The following FDPS variants were observed in gnomAD, a reference collection of about 807,000 sequenced individuals.
The protein encoded by FDPS is farnesyl pyrophosphate synthase.
A neutral mutation model predicts 49.5 loss-of-function variants in FDPS; 29 were observed. That is an observed-to-expected ratio of 0.59 (90% confidence interval 0.44 to 0.80). FDPS has a LOEUF of 0.80. FDPS is among the 30% of genes least tolerant of loss of function. The pLI, the probability that FDPS is intolerant of heterozygous loss-of-function variation, is 0.00. For synonymous variants in FDPS, 172 were observed against 206.4 expected, an observed-to-expected ratio of 0.83 and a Z score of 1.43; for missense variants, 414 against 525.6, an observed-to-expected ratio of 0.79 and a Z score of 2.08.
At chr1:155,319,312 C>T (rs2148249887) in intron 8 of FDPS, among the ~76,000 whole-genome samples, 1 of 152,072 alleles carries the variant, frequency 6.6e-6, no homozygotes, top group East Asian at 1.9e-4. Context: ...TTGGAGGTGG[C>T]AAAAATATTA....
At chr1:155,314,188 A>ATT (rs34299252) in intron 4 of FDPS, among the ~76,000 whole-genome samples, 6,421 of 141,026 alleles carry the variant, frequency 0.046, 194 homozygotes, top group Non-Finnish European at 0.068. Context: ...AAAATTTTTA[A>ATT]TTTTTTTTTT....
chr1:155,310,301 T>C (rs1251428421), intron 3 of FDPS, 96 bp downstream of exon 3: 3 of 1,148,574 alleles, frequency 2.6e-6, no homozygotes, highest in Non-Finnish European at 2.5e-6. Context: ...TTTTGACAGA[T>C]GTGAGAGAAA....
chr1:155,311,033 T>C (rs1254786208), intron 3 of FDPS, among the ~76,000 whole-genome samples: 2 of 151,934 alleles, frequency 1.3e-5, no homozygotes, highest in African/African-American at 2.4e-5. Context: ...TTGCCTATAC[T>C]GGAATGGGGA....
At chr1:155,314,151 C>A (rs1335951246) in intron 4 of FDPS, among the ~76,000 whole-genome samples, 1 of 151,140 alleles carries the variant, frequency 6.6e-6, no homozygotes, top group East Asian at 2.0e-4. Flanking sequence ...ACCCTAGCAG[C>A]ACCCTAGTTT....
intron 1 of FDPS, chr1:155,309,433 G>A (rs1052273209): frequency 1.1e-5 from 2 of 184,212 alleles, no homozygotes; most frequent in Non-Finnish European, 2.2e-5. Context: ...ACCTCCTAGA[G>A]CCTCAGTTTG....
Position 155,318,084 on chromosome 1 carries a change from G to T in FDPS, c.561+63G>T. 1 of 1,611,788 alleles carries T rather than the reference G, an allele frequency of 6.2e-7. No homozygotes were observed. Among genetic ancestry groups the T allele is most frequent in the East Asian group, 2.2e-5 (1 of 44,892 alleles). ...AGGCCACAGGGAGGTGGTTATATAT[G>T]GCCTGGTTGAGGTGTTGGGGTGATG... On this transcript the variant is annotated intron_variant, in intron 5 of 10. Transcript: ENST00000368356. The surrounding 1 kb of genome is among the most constrained non-coding windows in gnomAD (Gnocchi z 4.2).
At chr1:155,312,702 C>T (rs1490456761) in intron 4 of FDPS, 4 of 239,230 alleles carry the variant, frequency 1.7e-5, no homozygotes, top group Admixed American at 5.0e-5. Context: ...CAGAGGAGGC[C>T]GGGCATGGTG....
chr1:155,312,330 G>A lies in FDPS; in HGVS notation c.415G>A (p.Glu139Lys), dbSNP rs899020702. Residue 139 changes from glutamate to lysine, a missense_variant, in exon 4 of 11, where the codon GAG (glutamate) becomes AAG (lysine). Glu to Lys is a moderately conservative substitution (Grantham distance 56, BLOSUM62 1). Coordinates refer to ENST00000368356, the MANE Select transcript of FDPS (RefSeq NM_002004.4). ...TVVVAFRELV[E>K]PRKQDADSLQ... ...GGTAGTAGCATTCCGGGAGCTGGTG[G>A]AGCCAAGGAAACAGGATGCTGATAG... The A allele has an allele frequency of 3.7e-6, 6 of 1,614,064 alleles. No homozygotes were observed. In the African/African-American group the frequency reaches 8.0e-5, roughly 22 times the overall value.
chr1:155,314,779 G>GTT (rs766090794), intron 4 of FDPS, among the ~76,000 whole-genome samples: 1 of 144,056 alleles, frequency 6.9e-6, no homozygotes. Context: ...CCTGGCCTGG[G>GTT]TTTTTTTTTT....
rs536977202 is a variant in FDPS, at chr1:155,319,063, C to G, written c.846+135C>G. On this transcript the variant is annotated intron_variant, in intron 8 of 10. Transcript: ENST00000368356. ...CTTGAGCAAGTCGGTCTCGCTCAGT[C>G]TCTTTCCTCAGCTGGGGATAAAATT... The G allele has an allele frequency of 4.4e-6, 3 of 683,882 alleles. No individual in the cohort carries two copies. In the South Asian group the frequency reaches 5.2e-5, roughly 12 times the overall value. 42.4% of individuals were successfully genotyped at this position (683,882 alleles called of 1,614,324 possible).
rs150551286 is a variant in FDPS at position 155,318,189 on chromosome 1, C to T, written c.582C>T (p.Ala194=). The part of the protein sequence containing the change: ...WYQKPGVGLD[A]INDANLLEAC... ...GACAGCCGGGCGTGGGTTTGGATGC[C>T]ATCAATGATGCTAACCTCCTGGAAG... Residue 194 remains alanine, a synonymous_variant, in exon 6 of 11, where the codon GCC becomes GCT. Transcript: ENST00000368356. This position sits in a 1 kb window ranked among gnomAD's most constrained non-coding sequence, Gnocchi z 4.2. The T allele has an allele frequency of 6.8e-5, 110 of 1,613,958 alleles. No homozygotes were observed. The highest frequency in any genetic ancestry group is 9.2e-5 in the Non-Finnish European group (108 of 1,180,020).
chr1:155,309,601 C>CT, intron 1 of FDPS, 188 bp from the exon 2 acceptor site: 2 of 524,064 alleles, frequency 3.8e-6, no homozygotes, highest in Non-Finnish European at 3.3e-6. Context: ...GTCTCAGTCA[C>CT]CCAGCCATAC....
chr1:155,315,028 T>C (rs764459822), intron 4 of FDPS, among the ~76,000 whole-genome samples: 40 of 152,148 alleles, frequency 2.6e-4, no homozygotes, highest in Non-Finnish European at 5.6e-4. Flanking sequence ...GTGCCTTTGA[T>C]GTGGAAAGCC....
chr1:155,309,895 G>A lies in FDPS; in HGVS notation c.106G>A (p.Val36Met), dbSNP rs746782056. Residue 36 changes from valine (V) to methionine (M), a missense_variant, in exon 2 of 11, where the codon GTG (valine) becomes ATG (methionine). Transcript: ENST00000368356. ...WLGSLRRPSL[V>M]HGYPVLAWHS... Reference sequence around the variant, plus strand: ...GGGTTCCCTACGGCGGCCCTCCCTGGTGCACGGGTACCCAGTCCTGGCCTG... The same window carrying A: ...GGGTTCCCTACGGCGGCCCTCCCTGATGCACGGGTACCCAGTCCTGGCCTG... The A allele has an allele frequency of 3.8e-6, 6 of 1,596,362 alleles. No homozygotes were observed. The highest frequency in any genetic ancestry group is 5.1e-6 in the Non-Finnish European group (6 of 1,170,364).
rs1368634271 is a variant in FDPS at position 155,311,974 on chromosome 1, A to AT, written c.340-281_340-280insT. Among the ~76,000 whole-genome samples, 951 of 152,138 alleles carry AT rather than the reference A, an allele frequency of 6.3e-3. 10 individuals are homozygous for AT. Among genetic ancestry groups the AT allele is most frequent in the African/African-American group, 0.022 (926 of 41,444 alleles). On this transcript the variant is annotated intron_variant, in intron 3 of 10. Coordinates refer to ENST00000368356, the MANE Select transcript of FDPS (RefSeq NM_002004.4). ...GTAACAGAGAGAGAATTCATCTCAA[A>AT]AAAATAAATAAATAAATAAATAAAT... is the stretch of plus-strand genomic sequence containing the variant.
chr1:155,314,212 G>T (rs566286710), intron 4 of FDPS, among the ~76,000 whole-genome samples: 2 of 149,662 alleles, frequency 1.3e-5, no homozygotes, highest in Admixed American at 6.6e-5. Flanking sequence ...TTGATACAGG[G>T]TCTTACTCTG....
rs376281732 is a variant in FDPS, at chr1:155,318,305, A to G, written c.684+14A>G. On this transcript the variant is annotated intron_variant, in intron 6 of 10. Coordinates refer to ENST00000368356, the MANE Select transcript of FDPS (RefSeq NM_002004.4). The surrounding 1 kb of genome is among the most constrained non-coding windows in gnomAD (Gnocchi z 4.2). ...CTCTTCCTGCAGGTGTATTGCAGACAGGGCCCGATGCCCAGAGGGTGCCCA... is the reference window on the plus strand; with the variant it reads ...CTCTTCCTGCAGGTGTATTGCAGACGGGGCCCGATGCCCAGAGGGTGCCCA... 3.0e-5 allele frequency: 48 copies of G among 1,608,404 alleles called. No individual in the cohort carries two copies. The highest frequency in any genetic ancestry group is 3.9e-5 in the Non-Finnish European group (46 of 1,179,952).
chr1:155,316,806 GAA>G (rs1299330392), intron 4 of FDPS: 3 of 148,562 alleles, frequency 2.0e-5, no homozygotes, highest in Non-Finnish European at 4.5e-5. Flanking sequence ...AAAAAAAAAA[GAA>G]AAGCTATTTA....
chr1:155,312,503 T>A, intron 4 of FDPS, 108 bp downstream of exon 4: 1 of 1,309,028 alleles, frequency 7.6e-7, no homozygotes, highest in Non-Finnish European at 1.1e-6. Context: ...TTTGTGTTTC[T>A]TTGTCTCTAG....
Sources: allele counts gnomAD v4.1 joint callset (sites outside exome capture counted in the v4.1 genomes callset), GRCh38; gene constraint gnomAD v4.1.1; non-coding constraint Gnocchi (gnomAD v3.1); transcripts MANE v1.5; gene names NCBI Gene and HGNC (gene_info 2026-07-23, HGNC 2026-07-21).